GRIK1: variants seen among roughly 807,000 people sequenced by gnomAD.
GRIK1 encodes the protein glutamate receptor ionotropic, kainate 1.
A neutral mutation model predicts 105.7 loss-of-function variants in GRIK1; 69 were observed. The ratio of observed to expected loss-of-function variants is 0.65; its 90% confidence interval spans 0.54 to 0.80. GRIK1 has a LOEUF of 0.80. Ranked by LOEUF, GRIK1 falls within the 30% of genes least tolerant of loss-of-function variation. GRIK1 has a pLI of 0.00. For missense variants in GRIK1, 1,109 were observed against 1,167.3 expected (o/e 0.95, Z 0.73); for synonymous variants, 438 against 431.3 (o/e 1.02, Z -0.19).
chr21:29,593,861 C>A (rs1341609832), intron 9 of GRIK1, among the ~76,000 whole-genome samples: 1 of 152,162 alleles, frequency 6.6e-6, no homozygotes, highest in Non-Finnish European at 1.5e-5. Context: ...AAATACACCC[C>A]ACAGCTTGAT....
At chr21:29,782,102 TC>T (rs1271737827) in intron 1 of GRIK1, among the ~76,000 whole-genome samples, 87 of 149,360 alleles carry the variant, frequency 5.8e-4, no homozygotes, top group African/African-American at 1.9e-3. Flanking sequence ...TTTTTTTTTT[TC>T]TGAGACGGAG....
chr21:29,802,685 C>G (rs2066744803), intron 1 of GRIK1, among the ~76,000 whole-genome samples: 1 of 152,122 alleles, frequency 6.6e-6, no homozygotes, highest in Admixed American at 6.6e-5. Flanking sequence ...CATGTCTATA[C>G]CAATCATAAA....
At chr21:29,738,403 A>G (rs529428171) in intron 1 of GRIK1, among the ~76,000 whole-genome samples, 1 of 152,378 alleles carries the variant, frequency 6.6e-6, no homozygotes, top group African/African-American at 2.4e-5. Flanking sequence ...TGTTACCTCC[A>G]TCATACCAAG....
intron 1 of GRIK1, among the ~76,000 whole-genome samples, chr21:29,825,077 G>A (rs1362124555): frequency 6.6e-6 from 1 of 152,042 alleles, no homozygotes; most frequent in African/African-American, 2.4e-5. Context: ...TTAAAGATTA[G>A]AGCCAGAGAC....
chr21:29,897,779 C>T (rs2070226616), intron 1 of GRIK1, among the ~76,000 whole-genome samples: 1 of 152,170 alleles, frequency 6.6e-6, no homozygotes, highest in Non-Finnish European at 1.5e-5. Context: ...AGCTGTAAAG[C>T]ACAAGCATAA....
chr21:29,758,857 G>C (rs1194101604), intron 1 of GRIK1: 1 of 152,850 alleles, frequency 6.5e-6, no homozygotes, highest in African/African-American at 2.4e-5. Flanking sequence ...TCAGAGCTAT[G>C]GAGGATGCAG....
At chr21:29,848,779 A>ATATATATATATATATATATTTTTTT in intron 1 of GRIK1, among the ~76,000 whole-genome samples, 6 of 77,858 alleles carry the variant, frequency 7.7e-5, no homozygotes, top group African/African-American at 3.5e-4. Flanking sequence ...ATATATATAT[A>ATATATATATATATATATATTTTTTT]TTTTTTTTTT....
chr21:29,793,444 GCTCT>G (rs968154318), intron 1 of GRIK1, among the ~76,000 whole-genome samples: 3 of 151,350 alleles, frequency 2.0e-5, no homozygotes, highest in Non-Finnish European at 4.4e-5. Context: ...TGGAGTGCAT[GCTCT>G]CTCTCTCTCT....
intron 16 of GRIK1, among the ~76,000 whole-genome samples, chr21:29,554,112 A>G (rs1201738456): frequency 6.6e-6 from 1 of 152,218 alleles, no homozygotes; most frequent in African/African-American, 2.4e-5. Flanking sequence ...ATTAATCAGA[A>G]CCAGCCACAT....
At chr21:29,626,556 G>A (rs2062135979) in intron 7 of GRIK1, among the ~76,000 whole-genome samples, 2 of 152,160 alleles carry the variant, frequency 1.3e-5, no homozygotes, top group Non-Finnish European at 2.9e-5. Flanking sequence ...CAAACTTGGT[G>A]ACACCTTGAT....
intron 3 of GRIK1, among the ~76,000 whole-genome samples, chr21:29,688,341 G>A (rs2146707864): frequency 6.6e-6 from 1 of 152,292 alleles, no homozygotes; most frequent in East Asian, 1.9e-4. Flanking sequence ...CATCAAAGAG[G>A]AGGCACATAT....
chr21:29,757,996 A>G (rs1395701954), intron 1 of GRIK1, among the ~76,000 whole-genome samples: 1 of 152,230 alleles, frequency 6.6e-6, no homozygotes, highest in Non-Finnish European at 1.5e-5. Flanking sequence ...GATAATAGAA[A>G]TTTATCTTTT....
chr21:29,922,072 A>T (rs73898569), intron 1 of GRIK1, among the ~76,000 whole-genome samples: 3,689 of 152,250 alleles, frequency 0.024, 140 homozygotes, highest in African/African-American at 0.083. Context: ...AAGTTGGACA[A>T]TGTGTTCACA....
At chr21:29,824,124 A>G (rs1282913339) in intron 1 of GRIK1, among the ~76,000 whole-genome samples, 1 of 152,000 alleles carries the variant, frequency 6.6e-6, no homozygotes, top group African/African-American at 2.4e-5. Flanking sequence ...GATGCTGGAT[A>G]TATTTTAAAG....
intron 1 of GRIK1, among the ~76,000 whole-genome samples, chr21:29,936,631 C>T (rs749114533): frequency 2.6e-5 from 4 of 152,214 alleles, no homozygotes; most frequent in Non-Finnish European, 4.4e-5. Flanking sequence ...CACCACTATC[C>T]TACCGACCTT....
chr21:29,824,760 C>T (rs553662872), intron 1 of GRIK1, among the ~76,000 whole-genome samples: 5 of 152,044 alleles, frequency 3.3e-5, no homozygotes, highest in Admixed American at 6.6e-5. Flanking sequence ...GTAAGGATTT[C>T]GCCTTATTTT....
At chr21:29,865,589 T>C (rs191766726) in intron 1 of GRIK1, among the ~76,000 whole-genome samples, 1 of 152,288 alleles carries the variant, frequency 6.6e-6, no homozygotes, top group Non-Finnish European at 1.5e-5. Context: ...TTGCAAACAC[T>C]GGGAACCTCA....
intron 1 of GRIK1, among the ~76,000 whole-genome samples, chr21:29,730,787 G>A (rs1002298324): frequency 2.0e-5 from 3 of 151,678 alleles, no homozygotes; most frequent in Non-Finnish European, 4.4e-5. Context: ...TCATAGCCAC[G>A]GTATCTTTAG....
intron 3 of GRIK1, among the ~76,000 whole-genome samples, chr21:29,681,860 A>G (rs1330648574): frequency 6.6e-6 from 1 of 152,196 alleles, no homozygotes; most frequent in Non-Finnish European, 1.5e-5. Flanking sequence ...CTCTGACAGC[A>G]TTAGTGAAGA....
Sources: allele counts gnomAD v4.1 joint callset (sites outside exome capture counted in the v4.1 genomes callset), GRCh38; gene constraint gnomAD v4.1.1; transcripts MANE v1.5; gene names NCBI Gene and HGNC (gene_info 2026-07-23, HGNC 2026-07-21).